The following DCDC1 variants were observed in gnomAD, a reference collection of about 807,000 sequenced individuals.
DCDC1 encodes doublecortin domain containing 1, also known as doublecortin domain-containing protein 1.
A neutral mutation model predicts 178.3 loss-of-function variants in DCDC1; 200 were observed. The ratio of observed to expected loss-of-function variants is 1.12; its 90% CI spans 1.00 to 1.26. DCDC1 has a LOEUF of 1.26. Ranked by LOEUF, DCDC1 falls within the 50% of genes most tolerant of loss-of-function variation. The probability of loss-of-function intolerance (pLI) is 0.00; values close to 1 mark genes in which losing one functional copy is unlikely to be tolerated. For missense variants in DCDC1, 1,983 were observed against 1,749.2 expected (o/e 1.13, Z -2.38); for synonymous variants, 690 against 604.8 (o/e 1.14, Z -2.07).
At chr11:31,260,823 C>G (rs1944729602) in intron 8 of DCDC1, among the ~76,000 whole-genome samples, 1 of 152,096 alleles carries the variant, frequency 6.6e-6, no homozygotes, top group Non-Finnish European at 1.5e-5. Flanking sequence ...TTAAAACCTC[C>G]CTCGAAATCA....
In DCDC1 at chr11:30,878,651, G is replaced by A. The variant is rs780697750; in HGVS notation, c.5294C>T (p.Pro1765Leu). 6.2e-7 allele frequency: 1 copy of A among 1,611,056 alleles called. No individual in the cohort carries two copies. The highest frequency in any genetic ancestry group is 1.1e-5 in the South Asian group (1 of 90,868). Residue 1765 changes from proline to leucine, a missense_variant, in exon 38 of 39, where the codon CCT (proline) becomes CTT (leucine). Coordinates refer to ENST00000684477, the MANE Select transcript of DCDC1 (RefSeq NM_001387274.1). ...TGACACCACAATGTCTGTGGCTTGA[G>A]GGCCCTGCTGCCTTCGGATTCTGGC... is the stretch of plus-strand genomic sequence containing the variant. The part of the protein sequence containing the change: ...NYARIRRQQG[P>L]QATDIVVSPS...
In DCDC1 at chr11:30,952,323, T is replaced by C. The variant is rs964837873; in HGVS notation, c.2715+122A>G. 6.1e-6 allele frequency: 5 copies of C among 814,612 alleles called. No individual in the cohort carries two copies. The African/African-American group carries it at 8.6e-5, about 14-fold the overall frequency. The allele number at this position is 814,612 out of a possible 1,614,324, so 50.5% of individuals were successfully genotyped here. A position where few individuals can be genotyped will look rare whatever the true frequency, so the allele number is the denominator to read the frequency against. Reference sequence around the variant, plus strand: ...TTGATAGAACAACAGAATTAGCAAGTTTGATATCTTGCACCTAACAGCTGC... The same window carrying C: ...TTGATAGAACAACAGAATTAGCAAGCTTGATATCTTGCACCTAACAGCTGC... On this transcript the variant is annotated intron_variant, in intron 21 of 38. Transcript: ENST00000684477.
chr11:31,174,430 G>T (rs913648122), intron 9 of DCDC1, among the ~76,000 whole-genome samples: 1 of 152,204 alleles, frequency 6.6e-6, no homozygotes, highest in Non-Finnish European at 1.5e-5. Flanking sequence ...GAGGCCAAGG[G>T]GGGTGCTGAG....
chr11:31,121,962 A>G (rs754775852), intron 11 of DCDC1, among the ~76,000 whole-genome samples: 1 of 152,160 alleles, frequency 6.6e-6, no homozygotes, highest in Non-Finnish European at 1.5e-5. Context: ...TTAACACTCT[A>G]TGATAGTACG....
At position 31,036,099 on chromosome 11, in the gene DCDC1, G is replaced by A. The variant is rs905780668; in HGVS notation, c.2591+28370C>T. Among the ~76,000 whole-genome samples, 6 of 151,976 alleles carry A rather than the reference G, an allele frequency of 3.9e-5. No individual in the cohort carries two copies. The East Asian group carries it at 1.2e-3, about 29-fold the overall frequency. Reference sequence around the variant, plus strand: ...CCAATCTGCTCTATTTTAAGTAATCGCTGTGAAGTCGCTCTACTCTATGGA... The same window carrying A: ...CCAATCTGCTCTATTTTAAGTAATCACTGTGAAGTCGCTCTACTCTATGGA... On this transcript the variant is annotated intron_variant, in intron 20 of 38. Coordinates refer to ENST00000684477, the MANE Select transcript of DCDC1 (RefSeq NM_001387274.1).
At chr11:30,980,433 T>C (rs1452831851) in intron 20 of DCDC1, among the ~76,000 whole-genome samples, 1 of 152,060 alleles carries the variant, frequency 6.6e-6, no homozygotes, top group Non-Finnish European at 1.5e-5. Flanking sequence ...AGTATACCAG[T>C]AGTATATCAT....
In DCDC1 at chr11:31,017,115, T is replaced by C. The variant is rs553166676; in HGVS notation, c.2591+47354A>G. Reference sequence around the variant, plus strand: ...TGGCATGTACAATATAGATACATTATACACAAAACAGGAGAAGTAAAAAAA... The same window carrying C: ...TGGCATGTACAATATAGATACATTACACACAAAACAGGAGAAGTAAAAAAA... On this transcript the variant is annotated intron_variant, in intron 20 of 38. Coordinates refer to ENST00000684477, the MANE Select transcript of DCDC1 (RefSeq NM_001387274.1). Among the ~76,000 whole-genome samples, 9 of 152,322 alleles carry C rather than the reference T, an allele frequency of 5.9e-5. No homozygotes were observed. In the East Asian group the frequency reaches 9.6e-4, roughly 16 times the overall value.
chr11:31,097,247 A>T (rs1047044203), intron 15 of DCDC1, among the ~76,000 whole-genome samples: 1 of 152,246 alleles, frequency 6.6e-6, no homozygotes, highest in Non-Finnish European at 1.5e-5. Context: ...AGTAGCCTTC[A>T]ATATTCTTGT....
intron 21 of DCDC1, among the ~76,000 whole-genome samples, chr11:30,948,594 A>T (rs1948209583): frequency 6.6e-6 from 1 of 152,202 alleles, no homozygotes; most frequent in Admixed American, 6.5e-5. Context: ...ATGCTACCTG[A>T]CTTCAAACTA....
In DCDC1 at chr11:30,978,779, AACAC is replaced by A. The variant is rs56058117; in HGVS notation, c.2592-26215_2592-26212del. The stretch of plus-strand genomic sequence containing the variant: ...TTCTTCATCCTCCCAGTCCCCCCTC[AACAC>A]ACACACACACACACACACACACACA... On this transcript the variant is annotated intron_variant, in intron 20 of 38. Transcript: ENST00000684477. Among the ~76,000 whole-genome samples, 986 of 118,978 alleles carry A rather than the reference AACAC, an allele frequency of 8.3e-3. 10 individuals carry two copies. Among genetic ancestry groups the A allele is most frequent in the African/African-American group, 0.015 (409 of 26,574 alleles). The allele number at this position is 118,978 out of a possible 152,430, so 78.1% of individuals were successfully genotyped here.
At chr11:30,968,026 G>T (rs1368117958) in intron 20 of DCDC1, among the ~76,000 whole-genome samples, 3 of 152,140 alleles carry the variant, frequency 2.0e-5, no homozygotes, top group Admixed American at 6.6e-5. Flanking sequence ...TCTGCCTTGG[G>T]AAACACCATC....
intron 11 of DCDC1, among the ~76,000 whole-genome samples, chr11:31,113,353 A>G (rs1281834950): frequency 1.3e-5 from 2 of 152,008 alleles, no homozygotes; most frequent in African/African-American, 4.8e-5. Flanking sequence ...TGTTTGTTAC[A>G]TATGTATACA....
chr11:31,325,129 T>C (rs531430231), intron 3 of DCDC1, among the ~76,000 whole-genome samples: 1 of 152,132 alleles, frequency 6.6e-6, no homozygotes, highest in South Asian at 2.1e-4. Context: ...GATGGAAAAA[T>C]ATACTAATTG....
chr11:31,068,364 G>A (rs638653), intron 18 of DCDC1, among the ~76,000 whole-genome samples: 74,547 of 151,908 alleles, frequency 0.49, 18,576 homozygotes, highest in African/African-American at 0.57. Flanking sequence ...TAAAATTTTA[G>A]ATGTGTACTC....
intron 21 of DCDC1, among the ~76,000 whole-genome samples, chr11:30,950,693 C>T (rs1948364357): frequency 6.6e-6 from 1 of 151,676 alleles, no homozygotes; most frequent in Admixed American, 6.6e-5. Flanking sequence ...ATGATGGTTG[C>T]CAGAGCCTGG....
intron 20 of DCDC1, among the ~76,000 whole-genome samples, chr11:31,033,380 A>G (rs1953799905): frequency 6.6e-6 from 1 of 152,088 alleles, no homozygotes; most frequent in Non-Finnish European, 1.5e-5. Flanking sequence ...GTCATTTAAC[A>G]TCTATCCTAA....
chr11:31,046,694 C>T (rs1465064918), intron 20 of DCDC1, among the ~76,000 whole-genome samples: 2 of 150,674 alleles, frequency 1.3e-5, no homozygotes, highest in Non-Finnish European at 2.9e-5. Flanking sequence ...GAACTTATAC[C>T]AGTTAGAAAA....
chr11:30,870,735 A>T (rs1032532706), intron 38 of DCDC1, among the ~76,000 whole-genome samples: 1 of 152,204 alleles, frequency 6.6e-6, no homozygotes, highest in East Asian at 1.9e-4. Flanking sequence ...TATTGTAATC[A>T]AAGTCACAGA....
Position 30,941,832 on chromosome 11 carries a change from C to A in DCDC1, c.2716-9880G>T, listed in dbSNP as rs930672254. On this transcript the variant is annotated intron_variant, in intron 21 of 38. Transcript: ENST00000684477. The stretch of plus-strand genomic sequence containing the variant: ...AATTTGTGAGATGAGTGCATAAATA[C>A]CATTAATTGCATTTAATTAGGAGAA... 2.0e-5 allele frequency among the ~76,000 whole-genome samples: 3 copies of A among 152,146 alleles called. No individual in the cohort carries two copies. The East Asian group carries it at 5.8e-4, about 29-fold the overall frequency.
Sources: gnomAD v4.1 joint callset for allele counts (sites outside exome capture counted in the v4.1 genomes callset) on GRCh38, gnomAD v4.1.1 for gene constraint, MANE v1.5 for transcripts, NCBI Gene and HGNC (gene_info 2026-07-23, HGNC 2026-07-21) for gene names.